Variants in SGCD observed in about 807,000 individuals in gnomAD.
SGCD encodes the protein delta-sarcoglycan.
A neutral mutation model predicts 36.6 loss-of-function variants in SGCD; 18 were observed. The ratio of observed to expected loss-of-function variants is 0.49; its 90% CI spans 0.34 to 0.73. SGCD has a LOEUF of 0.73. Ranked by LOEUF, SGCD falls within the 30% of genes least tolerant of loss-of-function variation. The pLI is 0.01. For synonymous variants in SGCD, 133 were observed against 130.6 expected (o/e 1.02, Z -0.12); for missense variants, 387 against 346.7 (o/e 1.12, Z -0.92).
chr5:155,898,368 C>T (rs1167012253), intron 1 of SGCD, among the ~76,000 whole-genome samples: 2 of 152,148 alleles, frequency 1.3e-5, no homozygotes, highest in Non-Finnish European at 2.9e-5. Flanking sequence ...TTAATTCATC[C>T]AACAGACTTT....
intron 1 of SGCD, among the ~76,000 whole-genome samples, chr5:156,009,233 G>A (rs1046572656): frequency 6.6e-6 from 1 of 152,150 alleles, no homozygotes; most frequent in African/African-American, 2.4e-5. Flanking sequence ...GATGGGATAT[G>A]TTTATGGATT....
chr5:156,037,374 G>A (rs1182108181), intron 1 of SGCD, among the ~76,000 whole-genome samples: 1 of 152,172 alleles, frequency 6.6e-6, no homozygotes, highest in Admixed American at 6.5e-5. Context: ...AAACAGTGCA[G>A]CTGCAGTCAT....
At chr5:155,838,896 A>G in the SGCD span, among the ~76,000 whole-genome samples, 1 of 152,138 alleles carries the variant, frequency 6.6e-6, no homozygotes, top group Admixed American at 6.5e-5. Flanking sequence ...TGAGGCAGGC[A>G]TCTCAATCAA....
At chr5:155,878,503 C>T (rs1755811523) in intron 1 of SGCD, among the ~76,000 whole-genome samples, 1 of 151,920 alleles carries the variant, frequency 6.6e-6, no homozygotes, top group Admixed American at 6.6e-5. Flanking sequence ...TACTTTATAT[C>T]ATATTGGCAA....
chr5:156,362,868 C>T (rs140042376), intron 3 of SGCD, among the ~76,000 whole-genome samples: 1 of 152,082 alleles, frequency 6.6e-6, no homozygotes, highest in African/African-American at 2.4e-5. Context: ...ATATTAATTG[C>T]CATTTCTGAT....
chr5:156,281,055 G>T (rs1234043067), intron 3 of SGCD, among the ~76,000 whole-genome samples: 1 of 152,152 alleles, frequency 6.6e-6, no homozygotes, highest in East Asian at 1.9e-4. Flanking sequence ...GACATTAATT[G>T]TGTACATACA....
At chr5:156,185,056 A>G (rs1763702427) in intron 3 of SGCD, among the ~76,000 whole-genome samples, 1 of 151,988 alleles carries the variant, frequency 6.6e-6, no homozygotes, top group African/African-American at 2.4e-5. Flanking sequence ...CACTTTTTAC[A>G]TTTCTTTCCT....
intron 7 of SGCD, among the ~76,000 whole-genome samples, chr5:156,702,647 T>C (rs1754571007): frequency 6.6e-6 from 1 of 152,162 alleles, no homozygotes. Flanking sequence ...GCAATAGTTA[T>C]ATTTGAGGGG....
intron 1 of SGCD, among the ~76,000 whole-genome samples, chr5:155,922,355 A>G (rs1756895700): frequency 6.6e-6 from 1 of 152,102 alleles, no homozygotes; most frequent in African/African-American, 2.4e-5. Flanking sequence ...CGTGGCAGGG[A>G]TGTGCCTGAA....
At chr5:156,181,413 A>G (rs764974031) in intron 3 of SGCD, among the ~76,000 whole-genome samples, 3 of 152,192 alleles carry the variant, frequency 2.0e-5, no homozygotes, top group African/African-American at 7.2e-5. Flanking sequence ...AGATTTTTCA[A>G]ATAAAAACAA....
At chr5:156,667,465 T>G (rs1333750412) in intron 7 of SGCD, among the ~76,000 whole-genome samples, 1 of 152,176 alleles carries the variant, frequency 6.6e-6, no homozygotes, top group Non-Finnish European at 1.5e-5. Flanking sequence ...GTACTTAAAG[T>G]TTTTAGCTTT....
At chr5:156,400,454 A>C (rs1772084549) in intron 3 of SGCD, among the ~76,000 whole-genome samples, 1 of 152,240 alleles carries the variant, frequency 6.6e-6, no homozygotes, top group African/African-American at 2.4e-5. Flanking sequence ...TAAAGGGGAC[A>C]TCTGGACAGA....
At position 156,760,748 on chromosome 5, in the gene SGCD, A is replaced by G. The variant is rs953331624; in HGVS notation, c.*1358A>G. On this transcript the variant is annotated 3_prime_UTR_variant, in exon 9 of 9. Transcript: ENST00000337851. ...CACCCTGGCCAGCTCTTGTGCTGGG[A>G]CAGGGGATTACACCATCTCTGTTCA... 1 of 152,646 alleles carries G rather than the reference A, an allele frequency of 6.6e-6. No individual in the cohort carries two copies. The highest frequency in any genetic ancestry group is 2.4e-5 in the African/African-American group (1 of 41,434). The allele number at this position is 152,646 out of a possible 1,614,324, so 9.5% of individuals were successfully genotyped here.
At chr5:156,219,824 A>T (rs947976806) in intron 3 of SGCD, among the ~76,000 whole-genome samples, 2 of 152,188 alleles carry the variant, frequency 1.3e-5, no homozygotes, top group African/African-American at 4.8e-5. Context: ...TAGCATTCAA[A>T]GTTTTAGCCC....
At chr5:155,948,093 T>C (rs1268396579) in intron 1 of SGCD, among the ~76,000 whole-genome samples, 2 of 152,084 alleles carry the variant, frequency 1.3e-5, no homozygotes, top group Non-Finnish European at 2.9e-5. Flanking sequence ...GTGACCAACA[T>C]GGTGAAACCC....
chr5:156,701,153 T>C (rs1334666641), intron 7 of SGCD, among the ~76,000 whole-genome samples: 2 of 152,188 alleles, frequency 1.3e-5, no homozygotes, highest in Non-Finnish European at 2.9e-5. Flanking sequence ...GTGGAGTCCA[T>C]GGGAATTGGA....
At chr5:155,888,307 T>C (rs913072413) in intron 1 of SGCD, among the ~76,000 whole-genome samples, 12 of 152,216 alleles carry the variant, frequency 7.9e-5, no homozygotes, top group African/African-American at 2.9e-4. Context: ...TTCCGAAATG[T>C]ATTGGTCCTT....
At chr5:155,812,691 A>C in the SGCD span, among the ~76,000 whole-genome samples, 4 of 152,348 alleles carry the variant, frequency 2.6e-5, no homozygotes, top group East Asian at 5.8e-4. Context: ...ACATTTGAAT[A>C]AGAACCAATG....
intron 7 of SGCD, among the ~76,000 whole-genome samples, chr5:156,661,514 C>T (rs1763919771): frequency 7.4e-6 from 1 of 134,420 alleles, no homozygotes; most frequent in African/African-American, 3.0e-5. Flanking sequence ...TGACTGCAAC[C>T]AACTCTGCTC....
Sources: allele counts gnomAD v4.1 joint callset (sites outside exome capture counted in the v4.1 genomes callset), GRCh38; gene constraint gnomAD v4.1.1; transcripts MANE v1.5; gene names NCBI Gene and HGNC (gene_info 2026-07-23, HGNC 2026-07-21).